NFATC2: variants seen among roughly 807,000 people sequenced by gnomAD.
The protein encoded by NFATC2 is nuclear factor of activated T-cells, cytoplasmic 2.
In NFATC2, 22 loss-of-function variants were observed where a neutral mutation model predicts 87.3. The ratio of observed to expected loss-of-function variants is 0.25; its 90% CI spans 0.18 to 0.36. The LOEUF (loss-of-function observed/expected upper bound fraction) is 0.36. Among genes scored for constraint, NFATC2 ranks in the 10% least tolerant of loss-of-function variants. NFATC2 has a pLI of 1.00. For missense variants in NFATC2, 1,149 were observed against 1,259.1 expected (o/e 0.91, Z 1.32); for synonymous variants, 565 against 542.2 (o/e 1.04, Z -0.58).
intron 5 of NFATC2, among the ~76,000 whole-genome samples, chr20:51,455,738 G>T: frequency 8.7e-5 from 1 of 11,438 alleles, no homozygotes; most frequent in African/African-American, 3.7e-4. Flanking sequence ...ATGGGTGGGT[G>T]GGTGGGTGGG....
intron 3 of NFATC2, among the ~76,000 whole-genome samples, chr20:51,493,106 G>A (rs1223860989): frequency 6.6e-6 from 1 of 152,184 alleles, no homozygotes; most frequent in African/African-American, 2.4e-5. Flanking sequence ...AGAGCAGTGG[G>A]GTCCAACAGT....
intron 3 of NFATC2, among the ~76,000 whole-genome samples, chr20:51,501,799 T>TATCTCC (rs1162508625): frequency 2.6e-5 from 4 of 152,362 alleles, no homozygotes; most frequent in African/African-American, 9.6e-5. Flanking sequence ...TTCATTACTC[T>TATCTCC]ATCTCCATCT....
chr20:51,509,780 G>T (rs1040407873), intron 3 of NFATC2, among the ~76,000 whole-genome samples: 3 of 152,208 alleles, frequency 2.0e-5, no homozygotes, highest in Non-Finnish European at 4.4e-5. Context: ...GTTGCAGTTA[G>T]CATAAAAGCT....
intron 9 of NFATC2, among the ~76,000 whole-genome samples, chr20:51,406,687 C>T (rs1190555526): frequency 6.6e-6 from 1 of 152,186 alleles, no homozygotes; most frequent in Non-Finnish European, 1.5e-5. Context: ...AGAGCCCAGG[C>T]CTTCCTGTGG....
intron 9 of NFATC2, among the ~76,000 whole-genome samples, chr20:51,403,666 G>A (rs911059488): frequency 6.7e-6 from 1 of 149,652 alleles, no homozygotes; most frequent in Non-Finnish European, 1.5e-5. Context: ...CTAAGAAGAA[G>A]GGCCACCAGA....
chr20:51,420,724 A>G (rs1292754967), intron 9 of NFATC2, among the ~76,000 whole-genome samples: 1 of 152,152 alleles, frequency 6.6e-6, no homozygotes, highest in African/African-American at 2.4e-5. Flanking sequence ...AGAAGAAAAC[A>G]CTTTTATGAT....
At chr20:51,449,892 G>GGACTACT (rs2146408636) in intron 6 of NFATC2, among the ~76,000 whole-genome samples, 1 of 28,478 alleles carries the variant, frequency 3.5e-5, no homozygotes, top group African/African-American at 2.6e-4. Context: ...CATTATTAAT[G>GGACTACT]AACTACTAAT....
At chr20:51,556,822 C>T (rs962467659) in intron 1 of NFATC2, among the ~76,000 whole-genome samples, 2 of 152,140 alleles carry the variant, frequency 1.3e-5, no homozygotes, top group Admixed American at 6.5e-5. Flanking sequence ...GGGCTTCAGC[C>T]ACCCAGAGAA....
chr20:51,553,140 G>A (rs560195906), intron 1 of NFATC2, among the ~76,000 whole-genome samples: 42 of 151,884 alleles, frequency 2.8e-4, no homozygotes, highest in Admixed American at 5.9e-4. Context: ...TGGACCAATC[G>A]GCTGGAGGTG....
At chr20:51,411,307 GC>G (rs1208942946) in intron 9 of NFATC2, among the ~76,000 whole-genome samples, 1 of 152,054 alleles carries the variant, frequency 6.6e-6, no homozygotes, top group Admixed American at 6.6e-5. Context: ...AAAGACAGAA[GC>G]TTTTTTTCAG....
rs576485924 is a variant in NFATC2, at chr20:51,548,394, A to G, written c.70+14166T>C. Among the ~76,000 whole-genome samples, 4 of 152,160 alleles carry G rather than the reference A, an allele frequency of 2.6e-5. No homozygotes were observed. In the South Asian group the frequency reaches 8.3e-4, roughly 32 times the overall value. ...GCTATGGTGTATTTTATTCATATGT[A>G]TATTTCTTTTATTGCCTGTTCCTTT... is the stretch of plus-strand genomic sequence containing the variant. On this transcript the variant is annotated intron_variant, in intron 1 of 10. Coordinates refer to the NFATC2 transcript ENST00000414705.
upstream of NFATC2, among the ~76,000 whole-genome samples, chr20:51,543,399 G>A (rs1170159235): frequency 6.6e-6 from 1 of 152,246 alleles, no homozygotes; most frequent in Non-Finnish European, 1.5e-5. Flanking sequence ...GAACTCACCA[G>A]GGTATGGGAT....
chr20:51,517,173 A>G (rs901798095), intron 2 of NFATC2, among the ~76,000 whole-genome samples: 1 of 152,236 alleles, frequency 6.6e-6, no homozygotes, highest in African/African-American at 2.4e-5. Context: ...TATATGGTAT[A>G]GTGGCTCCTA....
chr20:51,561,443 GAAAGAAAGA>G (rs1568765547), intron 1 of NFATC2, among the ~76,000 whole-genome samples: 44 of 96,072 alleles, frequency 4.6e-4, no homozygotes, highest in African/African-American at 6.3e-4. Flanking sequence ...AAGAAAGAAA[GAAAGAAAGA>G]AAGAAAGAAA....
chr20:51,464,513 T>C (rs561845007), intron 5 of NFATC2, among the ~76,000 whole-genome samples: 2 of 152,350 alleles, frequency 1.3e-5, no homozygotes, highest in East Asian at 3.9e-4. Context: ...ATCATGCAGC[T>C]TTCTGGCACT....
At chr20:51,472,970 G>A (rs745317889) in intron 5 of NFATC2, among the ~76,000 whole-genome samples, 46 of 152,270 alleles carry the variant, frequency 3.0e-4, no homozygotes, top group Non-Finnish European at 6.3e-4. Context: ...ACACTGAGCA[G>A]ATAATAAGTG....
At chr20:51,392,226 C>T (rs908449778) in intron 10 of NFATC2, among the ~76,000 whole-genome samples, 1 of 152,188 alleles carries the variant, frequency 6.6e-6, no homozygotes, top group South Asian at 2.1e-4. Context: ...GTGAGGGCCC[C>T]CCAAAGACTG....
intron 9 of NFATC2, among the ~76,000 whole-genome samples, chr20:51,405,085 G>C (rs552883576): frequency 6.6e-6 from 1 of 152,176 alleles, no homozygotes; most frequent in Non-Finnish European, 1.5e-5. Context: ...TGGCCAGGAA[G>C]GCACCAAGCC....
chr20:51,525,370 T>C (rs1451429182), intron 1 of NFATC2, among the ~76,000 whole-genome samples: 2 of 152,130 alleles, frequency 1.3e-5, no homozygotes, highest in African/African-American at 2.4e-5. Context: ...GAATGTTCTA[T>C]GTCAGCCACC....
Sources: gnomAD v4.1 joint callset for allele counts (sites outside exome capture counted in the v4.1 genomes callset) on GRCh38, gnomAD v4.1.1 for gene constraint, MANE v1.5 for transcripts, NCBI Gene and HGNC (gene_info 2026-07-23, HGNC 2026-07-21) for gene names.